The following USP28 variants were observed in gnomAD, a reference collection of about 807,000 sequenced individuals.
USP28 encodes the protein ubiquitin carboxyl-terminal hydrolase 28.
In USP28, 113 loss-of-function variants were observed where a neutral mutation model predicts 145.0. The ratio of observed to expected loss-of-function variants is 0.78; its 90% CI spans 0.67 to 0.91. The LOEUF (loss-of-function observed/expected upper bound fraction) is 0.91. Among genes scored for constraint, USP28 ranks in the 40% least tolerant of loss-of-function variants. The probability of loss-of-function intolerance (pLI) is 0.00; values close to 1 mark genes in which losing one functional copy is unlikely to be tolerated. For missense variants in USP28, 1,201 were observed against 1,289.6 expected, an observed-to-expected ratio of 0.93 and a Z score of 1.05; for synonymous variants, 447 against 450.9, an observed-to-expected ratio of 0.99 and a Z score of 0.11.
At chr11:113,849,468 G>A (rs1030291393) in intron 3 of USP28, among the ~76,000 whole-genome samples, 2 of 152,168 alleles carry the variant, frequency 1.3e-5, no homozygotes, top group Non-Finnish European at 2.9e-5. Context: ...AAAAGCCCGT[G>A]TTAGGCTTTT....
chr11:113,802,474 T>C (rs865953888), intron 23 of USP28, among the ~76,000 whole-genome samples: 8 of 152,280 alleles, frequency 5.3e-5, no homozygotes, highest in South Asian at 4.1e-4. Flanking sequence ...TGGGTATTGG[T>C]GAAAACACAC....
At chr11:113,803,851 G>A in exon 22 of USP28, 1 of 1,613,842 alleles carries the variant, frequency 6.2e-7, no homozygotes, top group Non-Finnish European at 8.5e-7. Flanking sequence ...ACACTTTTCG[G>A]AACAAACTAT....
chr11:113,817,681 A>AACCGAGCAGTGCACTGAAG lies in USP28; in HGVS notation c.1421_1439dup (p.Ser481PhefsTer8). ...ACCTTTCCTTGGATGTCTGGTCAGAAACCGAGCAGTGCACTGAAGAAAGTG... is the reference window on the plus strand; with the variant it reads ...ACCTTTCCTTGGATGTCTGGTCAGAAACCGAGCAGTGCACTGAAGACCGAGCAGTGCACTGAAGAAAGTG... On this transcript the variant is annotated frameshift_variant, in exon 13 of 25. Transcript: ENST00000003302. LOFTEE classifies it high-confidence loss of function. The AACCGAGCAGTGCACTGAAG allele has an allele frequency of 6.2e-7, 1 of 1,614,052 alleles. No individual in the cohort carries two copies. Among genetic ancestry groups the AACCGAGCAGTGCACTGAAG allele is most frequent in the Non-Finnish European group, 8.5e-7 (1 of 1,179,972 alleles).
chr11:113,861,189 TA>T (rs1947658860), intron 1 of USP28, among the ~76,000 whole-genome samples: 1 of 151,432 alleles, frequency 6.6e-6, no homozygotes, highest in Non-Finnish European at 1.5e-5. Flanking sequence ...CCAACCTCCA[TA>T]AAACAAGGAA....
chr11:113,833,376 G>C (rs552270396), intron 7 of USP28, 44 bp downstream of exon 7: 1 of 1,601,298 alleles, frequency 6.2e-7, no homozygotes, highest in South Asian at 1.1e-5. Context: ...CATTAACACT[G>C]ACAAGGCATG....
rs796830447 is a variant in USP28, at chr11:113,812,640, G to A, written c.1744-136C>T. 74 of 789,758 alleles carry A rather than the reference G, an allele frequency of 9.4e-5. No individual in the cohort carries two copies. The African/African-American group carries it at 1.2e-3, about 13-fold the overall frequency. The allele number at this position is 789,758 out of a possible 1,614,324, so 48.9% of individuals were successfully genotyped here. A position where few individuals can be genotyped will look rare whatever the true frequency, so the allele number is the denominator to read the frequency against. On this transcript the variant is annotated intron_variant, in intron 15 of 24. Transcript: ENST00000003302. ...AAACATCTTGTTGATTCAAGATGAA[G>A]TCCACAAAAACACAGCCTTGGAATT...
chr11:113,870,789 C>T (rs147037958), intron 1 of USP28, among the ~76,000 whole-genome samples: 180 of 152,304 alleles, frequency 1.2e-3, no homozygotes, highest in Non-Finnish European at 2.2e-3. Flanking sequence ...TCAAGTCTGT[C>T]TTTTCCAAGT....
intron 3 of USP28, among the ~76,000 whole-genome samples, chr11:113,844,304 G>A (rs1285557671): frequency 6.6e-6 from 1 of 152,064 alleles, no homozygotes; most frequent in African/African-American, 2.4e-5. Flanking sequence ...AGCCGGGCGT[G>A]GTGGCAGGTG....
At chr11:113,812,716 C>T (rs1227123066) in intron 15 of USP28, among the ~76,000 whole-genome samples, 1 of 152,190 alleles carries the variant, frequency 6.6e-6, no homozygotes, top group East Asian at 1.9e-4. Flanking sequence ...CGCTGAACTA[C>T]ATGACCTCTC....
At chr11:113,849,120 CA>C (rs1946186856) in intron 3 of USP28, among the ~76,000 whole-genome samples, 1 of 152,208 alleles carries the variant, frequency 6.6e-6, no homozygotes. Flanking sequence ...TTCCATAATA[CA>C]ATGGAAATGG....
chr11:113,799,446 C>G (rs1289343169), intron 24 of USP28, 31 bp from the exon 26 acceptor site: 2 of 1,590,324 alleles, frequency 1.3e-6, no homozygotes, highest in African/African-American at 1.4e-5. Flanking sequence ...GTTACATATA[C>G]AGCTAAACAG....
At chr11:113,829,824 C>CAAAAAAAAAAAAAAAAAAA (rs5794883) in intron 9 of USP28, among the ~76,000 whole-genome samples, 1 of 104,708 alleles carries the variant, frequency 9.6e-6, no homozygotes, top group Non-Finnish European at 1.9e-5. Context: ...GGACTTGTCT[C>CAAAAAAAAAAAAAAAAAAA]AAAAAAAAAA....
chr11:113,801,780 G>T, intron 23 of USP28, 102 bp from the exon 25 acceptor site: 1 of 939,356 alleles, frequency 1.1e-6, no homozygotes, highest in Non-Finnish European at 1.5e-6. Flanking sequence ...ACTGCACATT[G>T]GATGTACTTA....
chr11:113,841,646 T>C lies in USP28; in HGVS notation c.374+17A>G. On this transcript the variant is annotated intron_variant, in intron 4 of 24. Transcript: ENST00000003302. ...ACACAAATGTGGGGGGCAAGAATTA[T>C]AAGTTAAATCAATAACCTGTTAAGA... 6.4e-7 allele frequency: 1 copy of C among 1,556,816 alleles called. No individual in the cohort carries two copies. The highest frequency in any genetic ancestry group is 8.8e-7 in the Non-Finnish European group (1 of 1,134,724).
chr11:113,826,147 G>A (rs1202216904), intron 11 of USP28, among the ~76,000 whole-genome samples: 2 of 151,786 alleles, frequency 1.3e-5, no homozygotes, highest in Non-Finnish European at 2.9e-5. Flanking sequence ...GCTGGGTGTG[G>A]TGGTGCGTGC....
In USP28 at chr11:113,827,363, A is replaced by G; in HGVS notation, c.1060-3T>C. ...GGAGGTAGCTTTGTAAACCAACGCT[A>G]GTGTCAAGAGTAGAAATGTGAGAGA... On this transcript the variant is annotated splice_polypyrimidine_tract_variant and splice_region_variant and intron_variant, in intron 10 of 24. Transcript: ENST00000003302. 1.3e-6 allele frequency: 2 copies of G among 1,580,764 alleles called. No individual in the cohort carries two copies. Among genetic ancestry groups the G allele is most frequent in the Non-Finnish European group, 1.7e-6 (2 of 1,170,584 alleles).
chr11:113,811,749 C>G (rs1304405511), intron 16 of USP28, among the ~76,000 whole-genome samples: 5 of 151,312 alleles, frequency 3.3e-5, no homozygotes, highest in Non-Finnish European at 5.9e-5. Flanking sequence ...TATGTACTAT[C>G]AGCACCATAA....
intron 1 of USP28, among the ~76,000 whole-genome samples, chr11:113,866,709 C>T (rs1406402340): frequency 6.6e-6 from 1 of 152,142 alleles, no homozygotes; most frequent in Non-Finnish European, 1.5e-5. Context: ...GAATATAAAA[C>T]TTCCCCAGCA....
intron 5 of USP28, among the ~76,000 whole-genome samples, chr11:113,839,948 G>A (rs1380183936): frequency 3.9e-5 from 6 of 152,232 alleles, no homozygotes; most frequent in African/African-American, 7.2e-5. Context: ...CCTGGGAGGC[G>A]GAGGTTGCAG....
Sources: allele counts gnomAD v4.1 joint callset (sites outside exome capture counted in the v4.1 genomes callset), GRCh38; gene constraint gnomAD v4.1.1; transcripts MANE v1.5; gene names NCBI Gene and HGNC (gene_info 2026-07-23, HGNC 2026-07-21).